The following ZNF385D variants were observed in gnomAD, a reference collection of about 807,000 sequenced individuals.
ZNF385D encodes the protein zinc finger protein 659.
ZNF385D carries 15 observed loss-of-function variants against 35.8 expected under a neutral mutation model. The observed-to-expected ratio is 0.42, with a 90% CI of 0.28 to 0.64. The LOEUF (loss-of-function observed/expected upper bound fraction) is 0.64. Ranked by LOEUF, ZNF385D falls within the 30% of genes least tolerant of loss-of-function variation. ZNF385D has a pLI of 0.23. For missense variants in ZNF385D, 474 were observed against 494.6 expected (o/e 0.96, Z 0.39); for synonymous variants, 212 against 186.8 (o/e 1.13, Z -1.10).
rs536678984 is a variant in ZNF385D, at chr3:21,646,233, G to C, written c.165+18653C>G. Among the ~76,000 whole-genome samples, 7 of 152,296 alleles carry C rather than the reference G, an allele frequency of 4.6e-5. No homozygotes were observed. The highest frequency in any genetic ancestry group is 2.0e-4 in the Admixed American group (3 of 15,298). ...TGTAAGTATATGCAATCATGGTTTT[G>C]ATTATGGTTAAGTAAATGAAGAGGA... is the stretch of plus-strand genomic sequence containing the variant. On this transcript the variant is annotated intron_variant, in intron 2 of 7. Coordinates refer to ENST00000281523, the MANE Select transcript of ZNF385D (RefSeq NM_024697.3). This position sits in a 1 kb window ranked among gnomAD's most constrained non-coding sequence, Gnocchi z 4.3.
At chr3:22,252,495 G>C (rs553626919) in intron 2 of ZNF385D, among the ~76,000 whole-genome samples, 2 of 152,038 alleles carry the variant, frequency 1.3e-5, no homozygotes, top group African/African-American at 4.8e-5. Flanking sequence ...ACAAAGATAT[G>C]AGCAGAGTTC....
rs556339004 is a variant in ZNF385D, at chr3:21,650,679, G to A, written c.165+14207C>T. The stretch of plus-strand genomic sequence containing the variant: ...AAGGAATTCTAAGAGTAACGTGAGC[G>A]CTCCAATTCTACATGCTCACCTCTC... On this transcript the variant is annotated intron_variant, in intron 2 of 7. Transcript: ENST00000281523. Among the ~76,000 whole-genome samples, 18 of 152,148 alleles carry A rather than the reference G, an allele frequency of 1.2e-4. No homozygotes were observed. In the South Asian group the frequency reaches 3.1e-3, roughly 26 times the overall value.
intron 2 of ZNF385D, among the ~76,000 whole-genome samples, chr3:21,596,849 C>T (rs2064142260): frequency 6.6e-6 from 1 of 151,954 alleles, no homozygotes; most frequent in African/African-American, 2.4e-5. Flanking sequence ...TTTCTCTTCT[C>T]TGCATAGGTA....
intron 6 of ZNF385D, 54 bp downstream of exon 6, chr3:21,425,438 T>A (rs1051659313): frequency 6.8e-7 from 1 of 1,475,626 alleles, no homozygotes; most frequent in Non-Finnish European, 9.1e-7. Context: ...ACACACATCC[T>A]GCTTATAAGG....
intron 4 of ZNF385D, among the ~76,000 whole-genome samples, chr3:21,485,376 T>C (rs907912258): frequency 1.3e-5 from 2 of 152,118 alleles, no homozygotes; most frequent in Non-Finnish European, 2.9e-5. Context: ...TACTAAATAC[T>C]GGAGCCGACT....
chr3:21,792,439 G>T (rs543500906), intron 3 of ZNF385D, among the ~76,000 whole-genome samples: 2 of 152,236 alleles, frequency 1.3e-5, no homozygotes, highest in East Asian at 1.9e-4. Flanking sequence ...ACACCTATTT[G>T]TTTGCTTATT....
rs1700511415 is a variant in ZNF385D at position 21,412,859 on chromosome 3, T to C, written c.*8355A>G. 1 of 152,048 alleles carries C rather than the reference T, an allele frequency of 6.6e-6. No individual in the cohort carries two copies. Among genetic ancestry groups the C allele is most frequent in the African/African-American group, 2.4e-5 (1 of 41,416 alleles). 9.4% of individuals were successfully genotyped at this position (152,048 alleles called of 1,614,324 possible). On this transcript the variant is annotated 3_prime_UTR_variant, in exon 8 of 8. Transcript: ENST00000281523. The stretch of plus-strand genomic sequence containing the variant: ...GCTATATTTTACATTTCTGAGTCAA[T>C]AATATTGGAAGCAGCTTCATTTTAT...
chr3:21,721,348 C>T lies in ZNF385D; in HGVS notation c.22+29547G>A, dbSNP rs80326505. 3.4e-4 allele frequency among the ~76,000 whole-genome samples: 51 copies of T among 151,636 alleles called. No homozygotes were observed. In the East Asian group the frequency reaches 9.4e-3, roughly 28 times the overall value. On this transcript the variant is annotated intron_variant, in intron 1 of 7. Coordinates refer to ENST00000281523, the MANE Select transcript of ZNF385D (RefSeq NM_024697.3). Reference sequence around the variant, plus strand: ...TTCATTTGATATGAAGAAAGGGCAACTAAAATCTTTAGACAGGCTCTGTCT... The same window carrying T: ...TTCATTTGATATGAAGAAAGGGCAATTAAAATCTTTAGACAGGCTCTGTCT...
intron 2 of ZNF385D, among the ~76,000 whole-genome samples, chr3:22,281,867 C>A (rs1701761544): frequency 6.6e-6 from 1 of 151,468 alleles, no homozygotes; most frequent in Non-Finnish European, 1.5e-5. Context: ...CTGTCTGGTA[C>A]TGAACATTTT....
At chr3:21,481,399 A>T (rs950188331) in intron 4 of ZNF385D, among the ~76,000 whole-genome samples, 4 of 152,124 alleles carry the variant, frequency 2.6e-5, no homozygotes, top group Middle Eastern at 3.2e-3. Context: ...GTAGACTGTA[A>T]ACCATTCCCC....
chr3:22,255,187 A>G (rs1700252073), intron 2 of ZNF385D, among the ~76,000 whole-genome samples: 4 of 151,750 alleles, frequency 2.6e-5, no homozygotes, highest in African/African-American at 7.3e-5. Context: ...CATAAGAAAA[A>G]AAAAGAAAAG....
chr3:21,740,380 C>G (rs2069453783), intron 1 of ZNF385D, among the ~76,000 whole-genome samples: 1 of 152,164 alleles, frequency 6.6e-6, no homozygotes, highest in African/African-American at 2.4e-5. Context: ...CCCACTGAGT[C>G]AGGATCTATA....
intron 2 of ZNF385D, 101 bp downstream of exon 2, chr3:21,664,785 C>T (rs2066352413): frequency 1.3e-6 from 2 of 1,501,466 alleles, no homozygotes; most frequent in Admixed American, 1.7e-5. Flanking sequence ...ATGCAATGAA[C>T]AATATAGCAA....
intron 2 of ZNF385D, among the ~76,000 whole-genome samples, chr3:22,294,504 G>C (rs1702467255): frequency 6.6e-6 from 1 of 152,042 alleles, no homozygotes; most frequent in Middle Eastern, 3.4e-3. Flanking sequence ...GTATGTATTA[G>C]GGAATGTTTT....
At chr3:22,164,247 T>TTTTTTTTTTTTTTTTTTTTG (rs1348547943) in intron 3 of ZNF385D, among the ~76,000 whole-genome samples, 3 of 93,486 alleles carry the variant, frequency 3.2e-5, no homozygotes, top group African/African-American at 1.2e-4. Flanking sequence ...TTTTTTTTTT[T>TTTTTTTTTTTTTTTTTTTTG]GAGACGGGGT....
At chr3:22,370,690 A>G (rs773490023) in intron 2 of ZNF385D, among the ~76,000 whole-genome samples, 5 of 152,214 alleles carry the variant, frequency 3.3e-5, no homozygotes, top group East Asian at 3.8e-4. Context: ...ACTTTTCCCA[A>G]TTTAACATCT....
At chr3:22,309,500 T>C (rs963571586) in intron 2 of ZNF385D, among the ~76,000 whole-genome samples, 7 of 152,062 alleles carry the variant, frequency 4.6e-5, no homozygotes, top group African/African-American at 1.7e-4. Context: ...AGTATTAATA[T>C]AAGGTCAAAA....
chr3:21,496,123 AG>A (rs1229644956), intron 4 of ZNF385D, among the ~76,000 whole-genome samples: 1 of 151,964 alleles, frequency 6.6e-6, no homozygotes, highest in Non-Finnish European at 1.5e-5. Flanking sequence ...AGATGTATAA[AG>A]ATGAGCAGGT....
Position 22,047,177 on chromosome 3 carries a change from T to G in ZNF385D, c.325+121640A>C, listed in dbSNP as rs1699054213. Among the ~76,000 whole-genome samples the G allele has an allele frequency of 2.0e-5, 3 of 152,154 alleles. No homozygotes were observed. The South Asian group carries it at 6.2e-4, about 32-fold the overall frequency. On this transcript the variant is annotated intron_variant, in intron 3 of 5. Transcript: ENST00000494108. ...ACATGATGTTCTGAAATGTATACAT[T>G]GTAGAATGGCTAAATCAAGCTAATT... is the stretch of plus-strand genomic sequence containing the variant.
Sources: allele counts gnomAD v4.1 joint callset (sites outside exome capture counted in the v4.1 genomes callset), GRCh38; gene constraint gnomAD v4.1.1; non-coding constraint Gnocchi (gnomAD v3.1); transcripts MANE v1.5; gene names NCBI Gene and HGNC (gene_info 2026-07-23, HGNC 2026-07-21).